The following IL5RA variants were observed in gnomAD, a reference collection of about 807,000 sequenced individuals.
IL5RA encodes the protein interleukin 5 receptor subunit alpha.
IL5RA carries 49 observed loss-of-function variants against 50.0 expected under a neutral mutation model. That is an observed-to-expected ratio of 0.98 (90% confidence interval 0.78 to 1.24). IL5RA has a LOEUF of 1.24. Ranked by LOEUF, IL5RA falls within the 50% of genes most tolerant of loss-of-function variation. IL5RA has a pLI of 0.00. For missense variants in IL5RA, 600 were observed against 500.4 expected, an observed-to-expected ratio of 1.20 and a Z score of -1.90; for synonymous variants, 202 against 174.0, an observed-to-expected ratio of 1.16 and a Z score of -1.26.
In IL5RA at chr3:3,101,233, C is replaced by T. The variant is rs530101150; in HGVS notation, c.367+459G>A. Among the ~76,000 whole-genome samples the T allele has an allele frequency of 3.2e-4, 48 of 151,622 alleles. 2 individuals carry two copies. Among genetic ancestry groups the T allele is most frequent in the African/African-American group, 1.1e-3 (47 of 41,320 alleles). ...ATCTTTATGTTTCTGTTTTAAGTCA[C>T]TGACACAATTCAGGAGGTATGGTCT... On this transcript the variant is annotated intron_variant, in intron 5 of 11. Transcript: ENST00000446632.
chr3:3,090,374 C>T (rs966388881), intron 9 of IL5RA: 5 of 726,962 alleles, frequency 6.9e-6, no homozygotes, highest in Non-Finnish European at 1.2e-5. Flanking sequence ...ATCCCATGCT[C>T]TTATAGACCT....
At chr3:3,086,531 A>T (rs1702869445) in intron 9 of IL5RA, among the ~76,000 whole-genome samples, 1 of 152,102 alleles carries the variant, frequency 6.6e-6, no homozygotes, top group South Asian at 2.1e-4. Flanking sequence ...GTACTGATAA[A>T]ATGAAACTGC....
Position 3,092,466 on chromosome 3 carries a change from A to T in IL5RA, c.856-104T>A. The T allele has an allele frequency of 9.5e-7, 1 of 1,056,086 alleles. No homozygotes were observed. Among genetic ancestry groups the T allele is most frequent in the South Asian group, 1.5e-5 (1 of 68,152 alleles). 65.4% of individuals were successfully genotyped at this position (1,056,086 alleles called of 1,614,324 possible). A position where few individuals can be genotyped will look rare whatever the true frequency, so the allele number is the denominator to read the frequency against. On this transcript the variant is annotated intron_variant, in intron 8 of 11. Transcript: ENST00000446632. This position sits in a 1 kb window ranked among gnomAD's most constrained non-coding sequence, Gnocchi z 4.2. ...ATATAGGTCATGTGACTCACTGTTCAGCAAGTCCTTTAAAATCAACAGGGC... is the reference window on the plus strand; with the variant it reads ...ATATAGGTCATGTGACTCACTGTTCTGCAAGTCCTTTAAAATCAACAGGGC...
chr3:3,103,021 CA>C, intron 3 of IL5RA: 1 of 435,584 alleles, frequency 2.3e-6, no homozygotes, highest in Non-Finnish European at 4.1e-6. Flanking sequence ...ACTACAGGCG[CA>C]TGCCACCATG....
In IL5RA at chr3:3,097,913, A is replaced by G. The variant is rs1364485332; in HGVS notation, c.666T>C (p.Ser222=). 3.7e-6 allele frequency: 6 copies of G among 1,614,098 alleles called. No homozygotes were observed. Among genetic ancestry groups the G allele is most frequent in the Non-Finnish European group, 4.2e-6 (5 of 1,180,040 alleles). Residue 222 remains serine (S), a synonymous_variant, in exon 7 of 12, where the codon TCT becomes TCC. Transcript: ENST00000446632. The part of the protein sequence containing the change: ...AVLVNGSSKH[S]AIRPFDQLFA... ...ACAGCTGATCAAAGGGCCTGATAGC[A>G]GAGTGCTTGCTGGAGCCGTTAACAA...
chr3:3,080,577 CTAAG>C, intron 9 of IL5RA, among the ~76,000 whole-genome samples: 1 of 152,212 alleles, frequency 6.6e-6, no homozygotes, highest in Admixed American at 6.5e-5. Context: ...TCTGATAAGG[CTAAG>C]TGTGCAGGCA....
intron 8 of IL5RA, among the ~76,000 whole-genome samples, chr3:3,094,028 A>G (rs745502589): frequency 5.3e-5 from 8 of 152,186 alleles, no homozygotes; most frequent in Non-Finnish European, 1.0e-4. Flanking sequence ...TTGACACATA[A>G]TTGATGCTCA....
intron 1 of IL5RA, among the ~76,000 whole-genome samples, chr3:3,108,942 C>T (rs757389818): frequency 2.0e-5 from 3 of 152,104 alleles, no homozygotes; most frequent in Non-Finnish European, 4.4e-5. Flanking sequence ...ACATAAATTC[C>T]TTTTTCGATA....
intron 9 of IL5RA, among the ~76,000 whole-genome samples, chr3:3,085,517 G>C (rs577442525): frequency 1.2e-4 from 18 of 152,286 alleles, no homozygotes; most frequent in Admixed American, 1.1e-3. Context: ...CAGAGTGCAA[G>C]GAATCAGGTT....
chr3:3,070,600 T>TTTTTTTGAA (rs1559858213), intron 11 of IL5RA, among the ~76,000 whole-genome samples: 2 of 123,008 alleles, frequency 1.6e-5, no homozygotes, highest in Non-Finnish European at 1.6e-5. Context: ...TTTTTTTTTT[T>TTTTTTTGAA]AGACAGAGTC....
At chr3:3,083,090 G>A (rs1044057049) in intron 9 of IL5RA, among the ~76,000 whole-genome samples, 2 of 152,184 alleles carry the variant, frequency 1.3e-5, no homozygotes, top group African/African-American at 4.8e-5. Context: ...CTATGATACA[G>A]GGTTTAACTA....
intron 9 of IL5RA, among the ~76,000 whole-genome samples, chr3:3,086,977 A>G (rs564048193): frequency 6.6e-6 from 1 of 152,324 alleles, no homozygotes; most frequent in South Asian, 2.1e-4. Context: ...AAAACCAAAT[A>G]CCATATGTTC....
chr3:3,103,185 G>A (rs1703736539), intron 3 of IL5RA, among the ~76,000 whole-genome samples: 1 of 152,164 alleles, frequency 6.6e-6, no homozygotes, highest in African/African-American at 2.4e-5. Context: ...GCCTGTCCTA[G>A]AAGAGGTTTC....
At chr3:3,107,563 T>A (rs536540292) in intron 2 of IL5RA, among the ~76,000 whole-genome samples, 1 of 152,162 alleles carries the variant, frequency 6.6e-6, no homozygotes, top group African/African-American at 2.4e-5. Context: ...CCAATTAAAA[T>A]CTAGCAGAAA....
At chr3:3,091,414 A>G (rs1703093643) in intron 9 of IL5RA, among the ~76,000 whole-genome samples, 1 of 152,212 alleles carries the variant, frequency 6.6e-6, no homozygotes, top group Non-Finnish European at 1.5e-5. Context: ...CTAAAATTGC[A>G]TAGAACCAAA....
chr3:3,091,398 CAT>C (rs1316807967), intron 9 of IL5RA, among the ~76,000 whole-genome samples: 3 of 152,128 alleles, frequency 2.0e-5, no homozygotes, highest in Non-Finnish European at 4.4e-5. Flanking sequence ...TGAACTTAAA[CAT>C]GTGCTAAAAT....
chr3:3,079,359 G>A (rs1702589103), intron 9 of IL5RA, among the ~76,000 whole-genome samples: 1 of 152,050 alleles, frequency 6.6e-6, no homozygotes, highest in Non-Finnish European at 1.5e-5. Context: ...CTCACTAACT[G>A]CCCATTTCAG....
chr3:3,101,633 C>T (rs1276697897), intron 5 of IL5RA, 59 bp downstream of exon 5: 7 of 1,567,024 alleles, frequency 4.5e-6, no homozygotes, highest in Non-Finnish European at 6.1e-6. Context: ...AATTTTTCTA[C>T]TTTTCCATAT....
intron 9 of IL5RA, among the ~76,000 whole-genome samples, chr3:3,085,912 C>T (rs1702839879): frequency 6.6e-6 from 1 of 152,158 alleles, no homozygotes. Context: ...GTGCCCCTGT[C>T]TGCTGTGACC....
Sources: allele counts gnomAD v4.1 joint callset (sites outside exome capture counted in the v4.1 genomes callset), GRCh38; gene constraint gnomAD v4.1.1; non-coding constraint Gnocchi (gnomAD v3.1); transcripts MANE v1.5; gene names NCBI Gene and HGNC (gene_info 2026-07-23, HGNC 2026-07-21).